Variants in ARHGAP6 observed in about 807,000 individuals in gnomAD.
ARHGAP6 encodes the protein Rho GTPase activating protein 6.
Under a neutral mutation model 55.7 loss-of-function variants are expected in ARHGAP6, and 16 were observed. The ratio of observed to expected loss-of-function variants is 0.29; its 90% CI spans 0.19 to 0.44. ARHGAP6 has a LOEUF of 0.44. ARHGAP6 is among the 20% of genes least tolerant of loss of function. ARHGAP6 has a pLI of 1.00. For synonymous variants in ARHGAP6, 382 were observed against 360.9 expected (o/e 1.06, Z -0.66); for missense variants, 698 against 808.9 (o/e 0.86, Z 1.66).
At position 11,364,878 on chromosome X, in the gene ARHGAP6, G is replaced by A. The variant is rs746628002; in HGVS notation, c.589-110171C>T. ...CATTTTGCTGTGCTGTCTCAGGTCCGGCACTGCTGCTAGGAGCCCTGGACA... is the reference window on the plus strand; with the variant it reads ...CATTTTGCTGTGCTGTCTCAGGTCCAGCACTGCTGCTAGGAGCCCTGGACA... On this transcript the variant is annotated intron_variant, in intron 1 of 12. Transcript: ENST00000337414. Among the ~76,000 whole-genome samples the A allele has an allele frequency of 6.3e-5, 7 of 110,648 alleles. No homozygotes were observed. The East Asian group carries it at 1.4e-3, about 23-fold the overall frequency.
intron 1 of ARHGAP6, among the ~76,000 whole-genome samples, chrX:11,327,953 A>G: frequency 8.9e-6 from 1 of 111,834 alleles, no homozygotes; most frequent in South Asian, 3.7e-4. Context: ...GGTACTTTAC[A>G]GGTACTTTAC....
intron 2 of ARHGAP6, among the ~76,000 whole-genome samples, chrX:11,230,610 AGT>A (rs3030687): frequency 0.01 from 1,005 of 97,899 alleles, 5 homozygotes; most frequent in African/African-American, 0.018. Flanking sequence ...AGTTATTAGG[AGT>A]GTGTGTGTGT....
At chrX:11,398,210 G>A (rs1422116643) in intron 1 of ARHGAP6, among the ~76,000 whole-genome samples, 2 of 99,032 alleles carry the variant, frequency 2.0e-5, no homozygotes, top group Middle Eastern at 5.3e-3. Flanking sequence ...AGAAGTATTT[G>A]TAAAAATTCT....
At chrX:11,581,443 A>G (rs912313532) in intron 1 of ARHGAP6, among the ~76,000 whole-genome samples, 1 of 111,587 alleles carries the variant, frequency 9.0e-6, no homozygotes, top group African/African-American at 3.3e-5. Flanking sequence ...AAAAACATAC[A>G]TCCATACAAA....
intron 1 of ARHGAP6, among the ~76,000 whole-genome samples, chrX:11,606,252 G>A (rs751315721): frequency 8.9e-6 from 1 of 112,076 alleles, no homozygotes; most frequent in South Asian, 3.7e-4. Flanking sequence ...CTTTACCCAA[G>A]TTATACAAAT....
chrX:11,182,338 A>C (rs2046324901), intron 5 of ARHGAP6, among the ~76,000 whole-genome samples: 2 of 112,005 alleles, frequency 1.8e-5, no homozygotes, highest in African/African-American at 6.5e-5. Context: ...AATGTTTCTG[A>C]TCAAATATTT....
At chrX:11,158,973 T>C (rs1454592570) in intron 9 of ARHGAP6, among the ~76,000 whole-genome samples, 1 of 112,390 alleles carries the variant, frequency 8.9e-6, no homozygotes, top group African/African-American at 3.2e-5. Context: ...GAGAAATGCT[T>C]GGGAAGACGC....
intron 1 of ARHGAP6, among the ~76,000 whole-genome samples, chrX:11,579,444 T>G (rs1424319174): frequency 8.9e-6 from 1 of 112,274 alleles, no homozygotes; most frequent in East Asian, 2.8e-4. Context: ...ATTTTAAAAA[T>G]TATAGTCCCA....
chrX:11,558,836 C>CAAAAAAAAAAA (rs58936931), intron 1 of ARHGAP6, among the ~76,000 whole-genome samples: 11 of 30,068 alleles, frequency 3.7e-4, no homozygotes, highest in African/African-American at 7.5e-4. Flanking sequence ...GATTCCATCT[C>CAAAAAAAAAAA]AAAAAAAAAA....
chrX:11,260,718 C>A (rs2047549896), intron 1 of ARHGAP6, among the ~76,000 whole-genome samples: 1 of 111,701 alleles, frequency 9.0e-6, no homozygotes, highest in Non-Finnish European at 1.9e-5. Context: ...AAATATCCTT[C>A]CTTCAAATTT....
At chrX:11,246,279 A>G (rs1387028951) in intron 2 of ARHGAP6, among the ~76,000 whole-genome samples, 1 of 111,266 alleles carries the variant, frequency 9.0e-6, no homozygotes, top group Non-Finnish European at 1.9e-5. Flanking sequence ...ATTTAAGCTC[A>G]TTATGGTTAT....
intron 4 of ARHGAP6, 82 bp from the exon 5 acceptor site, chrX:11,186,513 T>G: frequency 1.4e-6 from 1 of 692,014 alleles, no homozygotes; most frequent in Non-Finnish European, 2.2e-6. Flanking sequence ...CAATACATAC[T>G]TTTGCTCATG....
chrX:11,468,512 A>C (rs1227963338), intron 1 of ARHGAP6, among the ~76,000 whole-genome samples: 2 of 111,985 alleles, frequency 1.8e-5, no homozygotes, highest in African/African-American at 6.5e-5. Flanking sequence ...TTTCTTAACC[A>C]CAAATTTTAT....
At chrX:11,358,433 CTTTCTTTCTTTCTTTCTTTCTTTCTT>C (rs2048961126) in intron 1 of ARHGAP6, among the ~76,000 whole-genome samples, 1 of 28,734 alleles carries the variant, frequency 3.5e-5, no homozygotes, top group African/African-American at 1.0e-4. Context: ...TTAACTGTAT[CTTTCTTTCTTTCTTTCTTTCTTTCTT>C]TCTTTCTTTC....
At chrX:11,456,626 G>A (rs5933887) in intron 1 of ARHGAP6, among the ~76,000 whole-genome samples, 2,361 of 111,294 alleles carry the variant, frequency 0.021, 29 homozygotes, top group Middle Eastern at 0.061. Flanking sequence ...GCCTCCTTGG[G>A]CCCAGCAGAA....
intron 1 of ARHGAP6, among the ~76,000 whole-genome samples, chrX:11,458,969 G>C (rs1603217533): frequency 9.0e-6 from 1 of 111,143 alleles, no homozygotes; most frequent in East Asian, 2.8e-4. Context: ...TGCAGTATTA[G>C]ATAATGTGGT....
chrX:11,600,483 T>C (rs1408630149), intron 1 of ARHGAP6, among the ~76,000 whole-genome samples: 1 of 112,409 alleles, frequency 8.9e-6, no homozygotes, highest in Non-Finnish European at 1.9e-5. Flanking sequence ...ACCTCCACCT[T>C]GTTTGCTGAA....
At chrX:11,629,013 GTGTGTGTA>G (rs1350929718) in intron 1 of ARHGAP6, among the ~76,000 whole-genome samples, 1 of 110,094 alleles carries the variant, frequency 9.1e-6, no homozygotes, top group South Asian at 3.8e-4. Context: ...GTGTGTGTGT[GTGTGTGTA>G]TACACGAGCT....
chrX:11,163,798 G>A (rs1263778458), intron 9 of ARHGAP6, among the ~76,000 whole-genome samples: 2 of 112,025 alleles, frequency 1.8e-5, no homozygotes, highest in Non-Finnish European at 3.8e-5. Context: ...GCATGTTTTG[G>A]CAATTCAGGT....
Sources: gnomAD v4.1 joint callset for allele counts (sites outside exome capture counted in the v4.1 genomes callset) on GRCh38, gnomAD v4.1.1 for gene constraint, MANE v1.5 for transcripts, NCBI Gene and HGNC (gene_info 2026-07-23, HGNC 2026-07-21) for gene names.